Variants in EXTL3 observed in about 807,000 individuals in gnomAD.
EXTL3 encodes exostosin like glycosyltransferase 3, also known as exostosin-like 3.
EXTL3 carries 27 observed loss-of-function variants against 69.3 expected under a neutral mutation model. The observed-to-expected ratio is 0.39, with a 90% CI of 0.29 to 0.54. The LOEUF is 0.54. EXTL3 is among the 20% of genes least tolerant of loss of function. The probability of loss-of-function intolerance (pLI) is 0.69; values close to 1 mark genes in which losing one functional copy is unlikely to be tolerated. For synonymous variants in EXTL3, 511 were observed against 499.4 expected, an observed-to-expected ratio of 1.02 and a Z score of -0.31; for missense variants, 1,003 against 1,231.8, an observed-to-expected ratio of 0.81 and a Z score of 2.78.
At chr8:28,708,288 T>C (rs1355872849) in intron 1 of EXTL3, among the ~76,000 whole-genome samples, 2 of 152,168 alleles carry the variant, frequency 1.3e-5, no homozygotes, top group Non-Finnish European at 2.9e-5. Flanking sequence ...TCATCCAGGC[T>C]AGGTTACACA....
At chr8:28,742,852 T>C (rs1192661097) in intron 5 of EXTL3, 1 of 538,222 alleles carries the variant, frequency 1.9e-6, no homozygotes. Context: ...GGAGATGATA[T>C]GACATTCTGT....
chr8:28,673,286 A>T (rs971302588), intron 1 of EXTL3, among the ~76,000 whole-genome samples: 37 of 152,220 alleles, frequency 2.4e-4, no homozygotes, highest in Non-Finnish European at 4.6e-4. Context: ...TAGCCATGGG[A>T]TACCCAGAAT....
In EXTL3 at chr8:28,753,675, G is replaced by A. The variant is rs951250503; in HGVS notation, c.*2809G>A. The A allele has an allele frequency of 1.3e-5, 2 of 152,656 alleles. No individual in the cohort carries two copies. The highest frequency in any genetic ancestry group is 2.9e-5 in the Non-Finnish European group (2 of 68,058). 9.5% of individuals were successfully genotyped at this position (152,656 alleles called of 1,614,324 possible). ...TTGTAAAAAAATAAAAATAAATGGA[G>A]ACTTTAACTCAAGCAGCTTGGAGGT... On this transcript the variant is annotated 3_prime_UTR_variant, in exon 7 of 7. Coordinates refer to ENST00000220562, the MANE Select transcript of EXTL3 (RefSeq NM_001440.4).
At position 28,640,584 on chromosome 8, in the gene EXTL3, T is replaced by A. The variant is rs184037876; in HGVS notation, c.-53+17774T>A. Reference sequence around the variant, plus strand: ...TTCACCATGGTATTAACACTTTTATTAGCACTTTTATGTATTTTTAACTTA... The same window carrying A: ...TTCACCATGGTATTAACACTTTTATAAGCACTTTTATGTATTTTTAACTTA... On this transcript the variant is annotated intron_variant, in intron 1 of 6. Transcript: ENST00000523149. 1.8e-3 allele frequency among the ~76,000 whole-genome samples: 273 copies of A among 152,254 alleles called. 1 individual carries two copies. Among genetic ancestry groups the A allele is most frequent in the African/African-American group, 6.3e-3 (262 of 41,558 alleles).
chr8:28,729,115 G>A (rs950484456), intron 3 of EXTL3, among the ~76,000 whole-genome samples: 4 of 151,578 alleles, frequency 2.6e-5, no homozygotes, highest in African/African-American at 9.7e-5. Flanking sequence ...AGGCAATATG[G>A]TGAAACCCTG....
upstream of EXTL3, chr8:28,700,983 A>G (rs987871117): frequency 6.6e-6 from 1 of 152,270 alleles, no homozygotes; most frequent in African/African-American, 2.4e-5. Context: ...TGTTTTTGCA[A>G]AGCCCCAGGA....
At chr8:28,614,132 G>A (rs1307021929) in intron 2 of EXTL3, among the ~76,000 whole-genome samples, 1 of 151,774 alleles carries the variant, frequency 6.6e-6, no homozygotes, top group Non-Finnish European at 1.5e-5. Context: ...ACCCAGTCAG[G>A]TTTATCAATT....
chr8:28,729,467 G>C lies in EXTL3; in HGVS notation c.2149-1756G>C, dbSNP rs537326344. 3.4e-5 allele frequency among the ~76,000 whole-genome samples: 5 copies of C among 145,300 alleles called. No homozygotes were observed. The South Asian group carries it at 1.1e-3, about 32-fold the overall frequency. Reference sequence around the variant, plus strand: ...AAAAAATAGCCAGGCGTGGTGGTAGGCGCCTGTAATCCCAGCTACTTGGGA... The same window carrying C: ...AAAAAATAGCCAGGCGTGGTGGTAGCCGCCTGTAATCCCAGCTACTTGGGA... On this transcript the variant is annotated intron_variant, in intron 3 of 6. Coordinates refer to ENST00000220562, the MANE Select transcript of EXTL3 (RefSeq NM_001440.4).
intron 1 of EXTL3, among the ~76,000 whole-genome samples, chr8:28,702,234 G>C: frequency 6.6e-6 from 1 of 152,304 alleles, no homozygotes; most frequent in Middle Eastern, 3.4e-3. Flanking sequence ...CTCCTTTCAG[G>C]AGCCACAGTC....
chr8:28,616,496 G>C (rs1181019006), intron 2 of EXTL3, among the ~76,000 whole-genome samples: 1 of 152,100 alleles, frequency 6.6e-6, no homozygotes, highest in South Asian at 2.1e-4. Context: ...GCGTGGTGGC[G>C]GGCGCCTGCA....
chr8:28,626,184 A>T (rs906833642), intron 1 of EXTL3, among the ~76,000 whole-genome samples: 1 of 151,334 alleles, frequency 6.6e-6, no homozygotes, highest in African/African-American at 2.4e-5. Flanking sequence ...AAAAAAAAAA[A>T]ATTAAACTAA....
chr8:28,667,096 A>T (rs1047878461), intron 1 of EXTL3, among the ~76,000 whole-genome samples: 2 of 152,194 alleles, frequency 1.3e-5, no homozygotes, highest in African/African-American at 2.4e-5. Context: ...TGGTTGTGCT[A>T]ATGGAGCTCC....
intron 1 of EXTL3, among the ~76,000 whole-genome samples, chr8:28,709,563 G>C (rs1800991097): frequency 6.6e-6 from 1 of 151,938 alleles, no homozygotes; most frequent in African/African-American, 2.4e-5. Flanking sequence ...CTTTCTTTTG[G>C]AGTAGTCTGA....
At chr8:28,681,116 C>T (rs1052766778) in intron 1 of EXTL3, among the ~76,000 whole-genome samples, 33 of 151,780 alleles carry the variant, frequency 2.2e-4, no homozygotes, top group African/African-American at 7.7e-4. Flanking sequence ...CCTTGTGATC[C>T]GCCCACCTCG....
At chr8:28,624,039 C>T (rs557123937) in intron 1 of EXTL3, among the ~76,000 whole-genome samples, 3 of 152,292 alleles carry the variant, frequency 2.0e-5, no homozygotes, top group African/African-American at 4.8e-5. Flanking sequence ...CTCCTCATCC[C>T]CAGAACTGAA....
chr8:28,626,170 T>TA (rs57290264), intron 1 of EXTL3, among the ~76,000 whole-genome samples: 1 of 138,532 alleles, frequency 7.2e-6, no homozygotes. Context: ...AGACCCTGTC[T>TA]AAAAAAAAAA....
rs553507284 is a variant in EXTL3, at chr8:28,711,404, T to G, written c.-569-2053T>G. Among the ~76,000 whole-genome samples the G allele has an allele frequency of 8.5e-5, 13 of 152,346 alleles. No homozygotes were observed. The South Asian group carries it at 2.5e-3, about 29-fold the overall frequency. ...TTATTGATTCGAGACTTTTCTTCAA[T>G]GCAAGAATTTATGCATAAATTTTCC... On this transcript the variant is annotated intron_variant, in intron 1 of 6. Coordinates refer to ENST00000220562, the MANE Select transcript of EXTL3 (RefSeq NM_001440.4).
rs1274347190 is a variant in EXTL3, at chr8:28,755,180, A to G, written c.*4314A>G. ...CTATTACTGGAGTAAAATAGTGTCCACTTCTTCATGGCTCTTTCTGCCTTC... is the reference window on the plus strand; with the variant it reads ...CTATTACTGGAGTAAAATAGTGTCCGCTTCTTCATGGCTCTTTCTGCCTTC... On this transcript the variant is annotated 3_prime_UTR_variant, in exon 7 of 7. Coordinates refer to ENST00000220562, the MANE Select transcript of EXTL3 (RefSeq NM_001440.4). 5 of 152,258 alleles carry G rather than the reference A, an allele frequency of 3.3e-5. No homozygotes were observed. In the East Asian group the frequency reaches 9.6e-4, roughly 29 times the overall value. The allele number at this position is 152,258 out of a possible 1,614,324, so 9.4% of individuals were successfully genotyped here.
chr8:28,713,176 TC>T (rs1022214248), intron 1 of EXTL3, among the ~76,000 whole-genome samples: 1 of 152,230 alleles, frequency 6.6e-6, no homozygotes, highest in Non-Finnish European at 1.5e-5. Context: ...TTGGTTTTAT[TC>T]CCCCTTAGAG....
Sources: gnomAD v4.1 joint callset for allele counts (sites outside exome capture counted in the v4.1 genomes callset) on GRCh38, gnomAD v4.1.1 for gene constraint, MANE v1.5 for transcripts, NCBI Gene and HGNC (gene_info 2026-07-23, HGNC 2026-07-21) for gene names.